CHCHD6: variants seen among roughly 807,000 people sequenced by gnomAD.
CHCHD6 encodes the protein MICOS complex subunit MIC25.
In CHCHD6, 28 loss-of-function variants were observed where a neutral mutation model predicts 32.3. The ratio of observed to expected loss-of-function variants is 0.87; its 90% confidence interval spans 0.64 to 1.19. The LOEUF is 1.19. CHCHD6 is among the 50% of genes most tolerant of loss of function. The pLI, the probability that CHCHD6 is intolerant of heterozygous loss-of-function variation, is 0.00. For synonymous variants in CHCHD6, 122 were observed against 117.5 expected (o/e 1.04, Z -0.25); for missense variants, 333 against 307.0 (o/e 1.08, Z -0.63).
chr3:126,865,560 T>C (rs9879207), intron 5 of CHCHD6: 181,706 of 984,524 alleles, frequency 0.18, 18,156 homozygotes, highest in African/African-American at 0.36. Flanking sequence ...CTTGCACTTC[T>C]GCAACCTCTG....
At chr3:126,925,026 C>T (rs1362903428) in intron 6 of CHCHD6, among the ~76,000 whole-genome samples, 1 of 152,222 alleles carries the variant, frequency 6.6e-6, no homozygotes, top group South Asian at 2.1e-4. Context: ...ATGAAGCTTG[C>T]AGCAGTCAGT....
intron 5 of CHCHD6, among the ~76,000 whole-genome samples, chr3:126,873,114 C>T (rs953847699): frequency 6.6e-6 from 1 of 152,222 alleles, no homozygotes; most frequent in Non-Finnish European, 1.5e-5. Context: ...CATTCCCCAT[C>T]ACATCAAACA....
At chr3:126,779,784 T>C (rs1190657446) in intron 4 of CHCHD6, among the ~76,000 whole-genome samples, 1 of 152,182 alleles carries the variant, frequency 6.6e-6, no homozygotes, top group Non-Finnish European at 1.5e-5. Flanking sequence ...ATATAGTTGA[T>C]TTCATAATAG....
At chr3:126,825,904 T>C (rs571850853) in intron 4 of CHCHD6, among the ~76,000 whole-genome samples, 1 of 152,356 alleles carries the variant, frequency 6.6e-6, no homozygotes, top group African/African-American at 2.4e-5. Context: ...TTTCCACTGC[T>C]GTTTATTTCT....
intron 6 of CHCHD6, chr3:126,957,175 A>G (rs1370676080): frequency 1.7e-6 from 1 of 576,950 alleles, no homozygotes; most frequent in Non-Finnish European, 3.1e-6. Context: ...ATACCACAGC[A>G]TGTTTCAGTG....
intron 4 of CHCHD6, chr3:126,780,432 TA>T: frequency 2.8e-6 from 1 of 360,280 alleles, no homozygotes; most frequent in Non-Finnish European, 5.4e-6. Context: ...CTGCCTTGGG[TA>T]AGAGTTGTTA....
chr3:126,955,360 G>A (rs774846828), intron 6 of CHCHD6, among the ~76,000 whole-genome samples: 2 of 152,240 alleles, frequency 1.3e-5, no homozygotes, highest in Non-Finnish European at 2.9e-5. Context: ...ATGTAAGAAC[G>A]AGAAGTCAAT....
At chr3:126,936,862 A>G (rs2078486942) in intron 6 of CHCHD6, among the ~76,000 whole-genome samples, 1 of 152,166 alleles carries the variant, frequency 6.6e-6, no homozygotes, top group Non-Finnish European at 1.5e-5. Flanking sequence ...GCCTCTTTTT[A>G]CTTTTAATGT....
chr3:126,890,569 G>A (rs2077743376), intron 5 of CHCHD6, among the ~76,000 whole-genome samples: 1 of 152,146 alleles, frequency 6.6e-6, no homozygotes, highest in Admixed American at 6.5e-5. Flanking sequence ...TGGGCTCTGT[G>A]TCATATACGC....
rs537752873 is a variant in CHCHD6 at position 126,858,104 on chromosome 3, A to G, written c.495+5374A>G. Among the ~76,000 whole-genome samples the G allele has an allele frequency of 1.4e-4, 22 of 152,322 alleles. No individual in the cohort carries two copies. In the East Asian group the frequency reaches 3.9e-3, roughly 27 times the overall value. On this transcript the variant is annotated intron_variant, in intron 5 of 7. Coordinates refer to ENST00000290913, the MANE Select transcript of CHCHD6 (RefSeq NM_032343.3). ...TTGCTGGCATGAAAGTGAGCCGTCC[A>G]CAGCTGCAGGTGCTGCTGTTGGAAC...
intron 4 of CHCHD6, among the ~76,000 whole-genome samples, chr3:126,740,745 CTG>C (rs1369879110): frequency 2.6e-5 from 4 of 152,222 alleles, no homozygotes; most frequent in African/African-American, 9.6e-5. Context: ...GAAAGGGACA[CTG>C]TGAGGCCTCC....
At chr3:126,868,808 A>G (rs2077425353) in intron 5 of CHCHD6, among the ~76,000 whole-genome samples, 1 of 152,206 alleles carries the variant, frequency 6.6e-6, no homozygotes, top group African/African-American at 2.4e-5. Flanking sequence ...GATTACTTTG[A>G]CAAACTTTCT....
chr3:126,769,458 C>T (rs148294085), intron 4 of CHCHD6, among the ~76,000 whole-genome samples: 1,825 of 152,164 alleles, frequency 0.012, 21 homozygotes, highest in Middle Eastern at 0.048. Context: ...TGATATCTCC[C>T]GCTTTGTTCT....
intron 5 of CHCHD6, among the ~76,000 whole-genome samples, chr3:126,881,820 A>C (rs2077614232): frequency 6.6e-6 from 1 of 152,238 alleles, no homozygotes; most frequent in Admixed American, 6.5e-5. Flanking sequence ...CTGACAAAAG[A>C]AAGAACGAGG....
At chr3:126,731,496 T>C (rs1272633976) in intron 3 of CHCHD6, among the ~76,000 whole-genome samples, 1 of 152,216 alleles carries the variant, frequency 6.6e-6, no homozygotes, top group Non-Finnish European at 1.5e-5. Context: ...TGGGATCTTG[T>C]CATGGTTAAA....
chr3:126,739,015 T>C (rs1208000907), intron 4 of CHCHD6, among the ~76,000 whole-genome samples: 3 of 152,228 alleles, frequency 2.0e-5, no homozygotes, highest in Admixed American at 1.3e-4. Context: ...CTGTTTGGCA[T>C]GGCTGTTTTA....
chr3:126,939,583 A>G (rs562574458), intron 6 of CHCHD6, among the ~76,000 whole-genome samples: 16 of 152,378 alleles, frequency 1.1e-4, no homozygotes, highest in African/African-American at 3.8e-4. Context: ...GGCGTCTGCC[A>G]TGCAGCCACT....
chr3:126,718,932 A>G (rs1243659324), intron 1 of CHCHD6, among the ~76,000 whole-genome samples: 1 of 152,224 alleles, frequency 6.6e-6, no homozygotes, highest in African/African-American at 2.4e-5. Context: ...AAAAAATTAC[A>G]ACTCTCTTAG....
intron 6 of CHCHD6, among the ~76,000 whole-genome samples, chr3:126,953,901 G>A (rs2078750279): frequency 2.0e-5 from 3 of 152,142 alleles, no homozygotes; most frequent in Admixed American, 6.5e-5. Context: ...TCTGAACATG[G>A]GAGCTGTTTT....
Sources: allele counts gnomAD v4.1 joint callset (sites outside exome capture counted in the v4.1 genomes callset), GRCh38; gene constraint gnomAD v4.1.1; transcripts MANE v1.5; gene names NCBI Gene and HGNC (gene_info 2026-07-23, HGNC 2026-07-21).